HMCN1: variants seen among roughly 807,000 people sequenced by gnomAD.
HMCN1 encodes hemicentin-1.
Under a neutral mutation model 625.9 loss-of-function variants are expected in HMCN1, and 321 were observed. The observed-to-expected ratio is 0.51, with a 90% CI of 0.47 to 0.56. The LOEUF is 0.56. HMCN1 is among the 20% of genes least tolerant of loss of function. The pLI is 0.00. For synonymous variants in HMCN1, 2,425 were observed against 2,417.6 expected (o/e 1.00, Z -0.09); for missense variants, 6,588 against 6,887.3 (o/e 0.96, Z 1.54).
intron 1 of HMCN1, among the ~76,000 whole-genome samples, chr1:185,839,550 C>T (rs1170344561): frequency 2.6e-5 from 4 of 152,112 alleles, no homozygotes; most frequent in Non-Finnish European, 4.4e-5. Context: ...ACATGTAAAG[C>T]TGAGAGTCTG....
intron 10 of HMCN1, among the ~76,000 whole-genome samples, chr1:185,932,599 T>G (rs1338014138): frequency 1.3e-5 from 2 of 152,072 alleles, no homozygotes; most frequent in Non-Finnish European, 2.9e-5. Flanking sequence ...CTCTCAAAAC[T>G]AACTAGAGCT....
Position 186,137,852 on chromosome 1 carries a change from T to A in HMCN1, c.13804T>A (p.Cys4602Ser). The A allele has an allele frequency of 6.2e-7, 1 of 1,614,102 alleles. No homozygotes were observed. Among genetic ancestry groups the A allele is most frequent in the Non-Finnish European group, 8.5e-7 (1 of 1,179,984 alleles). Residue 4602 changes from cysteine to serine, a missense_variant, in exon 89 of 107, where the codon TGT becomes AGT. Coordinates refer to ENST00000271588, the MANE Select transcript of HMCN1 (RefSeq NM_031935.3). ...TCTTTGGGAAGAATGCACAAGGAGC[T>A]GTGGACGCGGCAACCAAACCAGGAC... ...WSLWEECTRS[C>S]GRGNQTRTRT...
chr1:186,090,830 T>A lies in HMCN1; in HGVS notation c.9800T>A (p.Val3267Asp). The change falls in exon 64 of 107, where the codon GTC becomes GAC. Residue 3267 changes from valine to aspartate, a missense_variant. Around this residue, in one of 3 missense-constraint regions of HMCN1, gnomAD observed 4,628 missense variants for 4,853.1 expected, o/e 0.95. Coordinates refer to ENST00000271588, the MANE Select transcript of HMCN1 (RefSeq NM_031935.3). ...CTTCTAGGAGAAAATGTTGAGCTGG[T>A]CTGCAATGCAAATGGCATTCCTACT... Reference protein sequence around the residue: ...SVLLGENVELVCNANGIPTPL... With the variant: ...SVLLGENVELDCNANGIPTPL... 6.2e-7 allele frequency: 1 copy of A among 1,612,716 alleles called. No homozygotes were observed. Among genetic ancestry groups the A allele is most frequent in the South Asian group, 1.1e-5 (1 of 91,060 alleles).
chr1:186,046,876 A>C (rs1656608290), intron 41 of HMCN1, among the ~76,000 whole-genome samples: 1 of 152,146 alleles, frequency 6.6e-6, no homozygotes, highest in African/African-American at 2.4e-5. Context: ...TGTTTATAAC[A>C]CTCTCATAAT....
intron 105 of HMCN1, among the ~76,000 whole-genome samples, chr1:186,186,936 T>C (rs1471373007): frequency 1.3e-5 from 2 of 151,418 alleles, no homozygotes; most frequent in Admixed American, 6.6e-5. Context: ...TTGAACTCCA[T>C]GGACCCTCTT....
At chr1:185,968,286 G>T (rs1278666101) in intron 14 of HMCN1, among the ~76,000 whole-genome samples, 4 of 152,074 alleles carry the variant, frequency 2.6e-5, no homozygotes, top group Non-Finnish European at 4.4e-5. Context: ...TGAGCATTCA[G>T]CTGTCTTGTA....
At chr1:185,903,682 T>G (rs1013229896) in intron 4 of HMCN1, among the ~76,000 whole-genome samples, 1 of 151,740 alleles carries the variant, frequency 6.6e-6, no homozygotes, top group Non-Finnish European at 1.5e-5. Context: ...TGATATTTCT[T>G]GGTGGATTAG....
intron 103 of HMCN1, among the ~76,000 whole-genome samples, chr1:186,175,884 AAAAAAAAG>A (rs1304506745): frequency 6.7e-6 from 1 of 148,782 alleles, no homozygotes; most frequent in African/African-American, 2.5e-5. Flanking sequence ...CTCAAAAAAA[AAAAAAAAG>A]AAAGAAAAGA....
intron 4 of HMCN1, among the ~76,000 whole-genome samples, chr1:185,883,109 G>C (rs934601324): frequency 6.6e-6 from 1 of 152,048 alleles, no homozygotes. Context: ...GAATGAGTGA[G>C]TGAATACAAT....
intron 32 of HMCN1, 119 bp from the exon 33 acceptor site, chr1:186,016,844 G>C (rs979933412): frequency 3.6e-5 from 26 of 728,284 alleles, no homozygotes; most frequent in Non-Finnish European, 6.1e-5. Context: ...TCCCCTTCAT[G>C]TATCAAACCA....
Position 186,087,302 on chromosome 1 carries a change from C to A in HMCN1, c.9132C>A (p.Ser3044Arg). Reference protein sequence around the residue: ...TCIAINQAGESKKKFSLTVYV... With the variant: ...TCIAINQAGERKKKFSLTVYV... The stretch of plus-strand genomic sequence containing the variant: ...TAGCTATCAATCAAGCTGGCGAAAG[C>A]AAGAAAAAGTTTTCCCTGACTGTTT... The change falls in exon 59 of 107, where the codon AGC becomes AGA. Residue 3044 changes from serine to arginine, a missense_variant. Ser to Arg is a moderately radical substitution (Grantham distance 110, BLOSUM62 -1). Around this residue, in one of 3 missense-constraint regions of HMCN1, gnomAD observed 4,628 missense variants for 4,853.1 expected, o/e 0.95. Transcript: ENST00000271588. 1 of 1,613,060 alleles carries A rather than the reference C, an allele frequency of 6.2e-7. No homozygotes were observed. The highest frequency in any genetic ancestry group is 8.5e-7 in the Non-Finnish European group (1 of 1,179,284).
At chr1:186,180,430 CTG>C (rs1310644034) in intron 104 of HMCN1, among the ~76,000 whole-genome samples, 5 of 152,130 alleles carry the variant, frequency 3.3e-5, no homozygotes, top group Non-Finnish European at 5.9e-5. Flanking sequence ...GCCCAAAAAT[CTG>C]TGTTATGAAA....
At chr1:185,893,034 C>T (rs148997106) in intron 4 of HMCN1, among the ~76,000 whole-genome samples, 9,644 of 152,182 alleles carry the variant, frequency 0.063, 1,072 homozygotes, top group African/African-American at 0.22. Flanking sequence ...TTAAGCAGGT[C>T]GGAAAAGCGC....
rs535678414 is a variant in HMCN1 at position 185,744,908 on chromosome 1, G to A, written c.268+9861G>A. Among the ~76,000 whole-genome samples the A allele has an allele frequency of 3.9e-5, 6 of 152,262 alleles. No homozygotes were observed. In the South Asian group the frequency reaches 1.0e-3, roughly 26 times the overall value. On this transcript the variant is annotated intron_variant, in intron 1 of 106. Transcript: ENST00000271588. ...CTCCTGGATGGATTGGAACAAGGGAGTCCTGAGAGCTGGGAGATGAAATGT... is the reference window on the plus strand; with the variant it reads ...CTCCTGGATGGATTGGAACAAGGGAATCCTGAGAGCTGGGAGATGAAATGT...
intron 4 of HMCN1, among the ~76,000 whole-genome samples, chr1:185,903,899 C>T (rs1015182473): frequency 2.9e-4 from 44 of 151,792 alleles, no homozygotes; most frequent in Non-Finnish European, 5.0e-4. Flanking sequence ...TATAGGCACA[C>T]GTACAAAGAG....
In HMCN1 at chr1:185,993,291, G is replaced by A. The variant is rs1315543805; in HGVS notation, c.3487G>A (p.Val1163Ile). 22 of 1,612,942 alleles carry A rather than the reference G, an allele frequency of 1.4e-5. No individual in the cohort carries two copies. The highest frequency in any genetic ancestry group is 1.9e-5 in the Non-Finnish European group (22 of 1,179,120). The change falls in exon 23 of 107, where the codon GTC becomes ATC. Residue 1163 changes from valine to isoleucine, a missense_variant. Physicochemically the swap from Val to Ile is conservative, Grantham distance 29. Coordinates refer to ENST00000271588, the MANE Select transcript of HMCN1 (RefSeq NM_031935.3). Reference protein sequence around the residue: ...TNIAGNVTQAVKLNVHVPPKI... With the variant: ...TNIAGNVTQAIKLNVHVPPKI... ...TATTGCTGGGAATGTGACTCAGGCT[G>A]TCAAATTAAATGTCCATGGTGAGTC...
chr1:185,797,532 C>G (rs754515330), intron 1 of HMCN1, among the ~76,000 whole-genome samples: 3 of 152,168 alleles, frequency 2.0e-5, no homozygotes, highest in Non-Finnish European at 4.4e-5. Flanking sequence ...GTCTTGAACT[C>G]CTGGCCTCAA....
At chr1:185,804,417 T>G (rs1328207333) in intron 1 of HMCN1, among the ~76,000 whole-genome samples, 1 of 152,056 alleles carries the variant, frequency 6.6e-6, no homozygotes, top group Non-Finnish European at 1.5e-5. Flanking sequence ...AACTAGATCT[T>G]TTTCTTCTAA....
rs551813668 is a variant in HMCN1, at chr1:185,887,400, G to A, written c.621+21537G>A. On this transcript the variant is annotated intron_variant, in intron 4 of 106. Coordinates refer to ENST00000271588, the MANE Select transcript of HMCN1 (RefSeq NM_031935.3). ...TATACATGTGCCATGCTGGTGTGCT[G>A]CACCCACTAACTCGTCATCTAGCAT... Among the ~76,000 whole-genome samples the A allele has an allele frequency of 3.5e-3, 529 of 151,388 alleles. 1 individual carries two copies. The highest frequency in any genetic ancestry group is 0.027 in the Middle Eastern group (8 of 292).
Sources: gnomAD v4.1 joint callset for allele counts (sites outside exome capture counted in the v4.1 genomes callset) on GRCh38, gnomAD v4.1.1 for gene constraint, gnomAD v4.1.1 regional missense constraint, MANE v1.5 for transcripts, NCBI Gene and HGNC (gene_info 2026-07-23, HGNC 2026-07-21) for gene names.